KIF1B: variants seen among roughly 807,000 people sequenced by gnomAD.
KIF1B encodes the protein kinesin family member 1B.
In KIF1B, 76 loss-of-function variants were observed where a neutral mutation model predicts 241.9. That is an observed-to-expected ratio of 0.31 (90% CI 0.26 to 0.38). The LOEUF is 0.38. Ranked by LOEUF, KIF1B falls within the 10% of genes least tolerant of loss-of-function variation. KIF1B has a pLI of 1.00. For synonymous variants in KIF1B, 750 were observed against 796.7 expected (o/e 0.94, Z 0.99); for missense variants, 1,622 against 2,271.4 (o/e 0.71, Z 5.81).
At chr1:10,244,440 A>AAT (rs1647178663) in intron 2 of KIF1B, among the ~76,000 whole-genome samples, 2 of 147,076 alleles carry the variant, frequency 1.4e-5, no homozygotes, top group Non-Finnish European at 3.0e-5. Flanking sequence ...TCAGCCTACC[A>AAT]AGTAGCTAGG....
At chr1:10,224,432 T>G (rs1281406245) in intron 1 of KIF1B, among the ~76,000 whole-genome samples, 3 of 152,158 alleles carry the variant, frequency 2.0e-5, no homozygotes, top group African/African-American at 4.8e-5. Flanking sequence ...GTGTGTGTGT[T>G]TTTTTGAGAT....
chr1:10,277,890 ACACT>A (rs1649200497), intron 12 of KIF1B, 92 bp from the exon 13 acceptor site: 1 of 1,089,726 alleles, frequency 9.2e-7, no homozygotes, highest in South Asian at 1.4e-5. Flanking sequence ...TAAAATGTAA[ACACT>A]CAGGATATTT....
intron 17 of KIF1B, chr1:10,292,474 A>G (rs1650047811): frequency 2.0e-5 from 6 of 300,184 alleles, no homozygotes; most frequent in Admixed American, 9.6e-5. Flanking sequence ...AGATTTTCCC[A>G]CAGAAGTCGT....
intron 2 of KIF1B, among the ~76,000 whole-genome samples, chr1:10,241,277 A>AT (rs1647133586): frequency 6.6e-6 from 1 of 151,062 alleles, no homozygotes; most frequent in African/African-American, 2.4e-5. Flanking sequence ...CTAATTTTTA[A>AT]TTTTTTTGGA....
chr1:10,255,006 T>C (rs1321328478), intron 2 of KIF1B, among the ~76,000 whole-genome samples: 1 of 151,818 alleles, frequency 6.6e-6, no homozygotes, highest in Non-Finnish European at 1.5e-5. Flanking sequence ...TGGAGTGCAG[T>C]GCATTAATAT....
chr1:10,355,295 A>T (rs1041310178), intron 38 of KIF1B: 41 of 152,064 alleles, frequency 2.7e-4, no homozygotes, highest in Admixed American at 1.3e-4. Flanking sequence ...TTATATATAT[A>T]TTTTTTCTGA....
rs777701100 is a variant in KIF1B at position 10,375,058 on chromosome 1, C to T, written c.5289+12C>T. 13 of 1,613,688 alleles carry T rather than the reference C, an allele frequency of 8.1e-6. No homozygotes were observed. Among genetic ancestry groups the T allele is most frequent in the East Asian group, 6.7e-5 (3 of 44,894 alleles). On this transcript the variant is annotated intron_variant, in intron 47 of 48. Coordinates refer to ENST00000676179, the MANE Select transcript of KIF1B (RefSeq NM_001365951.3). ...AGGCCATGGTGAAGGTCCGTCCTGC[C>T]CTGCCTTGGTTTCTTATTGCCACGT...
In KIF1B at chr1:10,365,077, A is replaced by C. The variant is rs376548498; in HGVS notation, c.4367-23A>C. 1 of 1,611,328 alleles carries C rather than the reference A, an allele frequency of 6.2e-7. No homozygotes were observed. The highest frequency in any genetic ancestry group is 1.3e-5 in the African/African-American group (1 of 74,802). On this transcript the variant is annotated intron_variant, in intron 41 of 48. Transcript: ENST00000676179. The surrounding 1 kb of genome is among the most constrained non-coding windows in gnomAD (Gnocchi z 4.0). Reference sequence around the variant, plus strand: ...GAATTGAATTTTTTTTCTGAAACAAAAACTTGTTTCCTCTTGTCTTAGGTA... The same window carrying C: ...GAATTGAATTTTTTTTCTGAAACAACAACTTGTTTCCTCTTGTCTTAGGTA...
chr1:10,337,194 A>C lies in KIF1B; in HGVS notation c.3250A>C (p.Asn1084His), dbSNP rs757461865. Residue 1084 changes from asparagine to histidine, a missense_variant, in exon 30 of 49, where the codon AAT (asparagine) becomes CAT (histidine). By Grantham distance (68) the Asn-to-His change is moderately conservative. This residue lies in a region of KIF1B where 803 missense variants were observed against 1,112.0 expected (regional missense o/e 0.72). Coordinates refer to ENST00000676179, the MANE Select transcript of KIF1B (RefSeq NM_001365951.3). This position sits in a 1 kb window ranked among gnomAD's most constrained non-coding sequence, Gnocchi z 4.0. Reference sequence around the variant, plus strand: ...TCCTCCAGAAGAAATCAGTCGAATTAATGACTTGGGTATGTAGACATAGTT... The same window carrying C: ...TCCTCCAGAAGAAATCAGTCGAATTCATGACTTGGGTATGTAGACATAGTT... The part of the protein sequence containing the change: ...ITPPEEISRI[N>H]DLDLKSSTLL... 3.1e-6 allele frequency: 5 copies of C among 1,614,162 alleles called. No homozygotes were observed. The highest frequency in any genetic ancestry group is 4.2e-6 in the Non-Finnish European group (5 of 1,180,026).
At chr1:10,228,762 A>G (rs1646942156) in intron 1 of KIF1B, among the ~76,000 whole-genome samples, 2 of 152,338 alleles carry the variant, frequency 1.3e-5, no homozygotes, top group South Asian at 2.1e-4. Context: ...TGTGGTAGTA[A>G]GGACATGGAT....
chr1:10,288,674 T>A (rs1649832837), intron 15 of KIF1B, among the ~76,000 whole-genome samples: 1 of 151,496 alleles, frequency 6.6e-6, no homozygotes, highest in Non-Finnish European at 1.5e-5. Flanking sequence ...GCTCTTTGCC[T>A]ACCTTTGCTG....
At chr1:10,350,922 C>A (rs973578279) in intron 37 of KIF1B, among the ~76,000 whole-genome samples, 2 of 151,924 alleles carry the variant, frequency 1.3e-5, no homozygotes, top group South Asian at 2.1e-4. Flanking sequence ...CATGGCAAAA[C>A]CCTGTCTCTC....
At chr1:10,347,273 A>G (rs1177717316) in intron 35 of KIF1B, among the ~76,000 whole-genome samples, 2 of 152,212 alleles carry the variant, frequency 1.3e-5, no homozygotes, top group East Asian at 3.8e-4. Flanking sequence ...AGTTCCTACT[A>G]TGTGTAGGAT....
At chr1:10,257,207 A>G (rs549982989) in intron 3 of KIF1B, among the ~76,000 whole-genome samples, 1 of 146,344 alleles carries the variant, frequency 6.8e-6, no homozygotes, top group Non-Finnish European at 1.5e-5. Flanking sequence ...GGATTAAAGG[A>G]GTGAGCCACC....
chr1:10,307,260 G>A (rs1650874623), intron 22 of KIF1B: 1 of 1,021,086 alleles, frequency 9.8e-7, no homozygotes, highest in Non-Finnish European at 1.2e-6. Context: ...TAAGTAACTA[G>A]TGCCATGCTT....
intron 22 of KIF1B, among the ~76,000 whole-genome samples, chr1:10,302,487 G>A (rs1650590834): frequency 6.6e-6 from 1 of 152,094 alleles, no homozygotes; most frequent in Non-Finnish European, 1.5e-5. Context: ...CTGCTCATAG[G>A]GATTCTTAGC....
intron 2 of KIF1B, among the ~76,000 whole-genome samples, chr1:10,245,916 G>A (rs984126027): frequency 1.3e-5 from 2 of 152,058 alleles, no homozygotes; most frequent in African/African-American, 4.8e-5. Flanking sequence ...TCCCAGGTTG[G>A]TTATTCTTTA....
Position 10,345,970 on chromosome 1 carries a change from A to G in KIF1B, c.3797+17A>G. ...TACAGGAGAGTAAGTCCAACTTAAT[A>G]AATTTTTAAATAAGGCAAAATGTTT... On this transcript the variant is annotated intron_variant, in intron 35 of 48. Transcript: ENST00000676179. 4 of 1,506,046 alleles carry G rather than the reference A, an allele frequency of 2.7e-6. No homozygotes were observed. The highest frequency in any genetic ancestry group is 3.7e-6 in the Non-Finnish European group (4 of 1,082,174). 93.3% of individuals were successfully genotyped at this position (1,506,046 alleles called of 1,614,324 possible).
rs573168680 is a variant in KIF1B at position 10,380,234 on chromosome 1, T to C, written c.*3647T>C. On this transcript the variant is annotated 3_prime_UTR_variant, in exon 49 of 49. Transcript: ENST00000676179. ...GTATATTTATCCAGCTATACTTACTTGCACAGTGGATTGGAGAGAAAGGAT... is the reference window on the plus strand; with the variant it reads ...GTATATTTATCCAGCTATACTTACTCGCACAGTGGATTGGAGAGAAAGGAT... The C allele has an allele frequency of 4.7e-6, 1 of 212,560 alleles. No homozygotes were observed. Among genetic ancestry groups the C allele is most frequent in the African/African-American group, 2.3e-5 (1 of 44,240 alleles). The allele number at this position is 212,560 out of a possible 1,614,324, so 13.2% of individuals were successfully genotyped here. A position where few individuals can be genotyped will look rare whatever the true frequency, so the allele number is the denominator to read the frequency against.
Sources: allele counts gnomAD v4.1 joint callset (sites outside exome capture counted in the v4.1 genomes callset), GRCh38; gene constraint gnomAD v4.1.1; regional missense constraint gnomAD v4.1.1; non-coding constraint Gnocchi (gnomAD v3.1); transcripts MANE v1.5; gene names NCBI Gene and HGNC (gene_info 2026-07-23, HGNC 2026-07-21).